Variants in GARRE1 observed in about 807,000 individuals in gnomAD.
GARRE1 encodes granule associated Rac and RHOG effector 1.
Under a neutral mutation model 103.2 loss-of-function variants are expected in GARRE1, and 49 were observed. The ratio of observed to expected loss-of-function variants is 0.47; its 90% CI spans 0.38 to 0.60. GARRE1 has a LOEUF of 0.60. GARRE1 is among the 20% of genes least tolerant of loss of function. The probability of loss-of-function intolerance (pLI) is 0.00; values close to 1 mark genes in which losing one functional copy is unlikely to be tolerated. For missense variants in GARRE1, 1,199 were observed against 1,370.5 expected (o/e 0.87, Z 1.98); for synonymous variants, 505 against 532.8 (o/e 0.95, Z 0.72).
chr19:34,339,697 G>A (rs1038170874), intron 8 of GARRE1, among the ~76,000 whole-genome samples, 170 bp from the exon 9 acceptor site: 2 of 152,138 alleles, frequency 1.3e-5, no homozygotes, highest in African/African-American at 4.8e-5. Context: ...CCTCTTGTGG[G>A]GCAGTGAGTT....
intron 1 of GARRE1, among the ~76,000 whole-genome samples, chr19:34,297,183 G>A (rs186016618): frequency 1.3e-5 from 2 of 152,220 alleles, no homozygotes; most frequent in African/African-American, 4.8e-5. Flanking sequence ...AGCTACTTGG[G>A]AGGCTGAGGC....
Position 34,353,132 on chromosome 19 carries a change from G to C in GARRE1, c.*177G>C. The C allele has an allele frequency of 1.7e-6, 1 of 602,144 alleles. No individual in the cohort carries two copies. The highest frequency in any genetic ancestry group is 2.8e-6 in the Non-Finnish European group (1 of 353,162). The allele number at this position is 602,144 out of a possible 1,614,324, so 37.3% of individuals were successfully genotyped here. ...TGGCAGCTCCAAGCCTTTAAACCTG[G>C]CTTCTGAAACGATGGCATCAGAGCC... is the stretch of plus-strand genomic sequence containing the variant. On this transcript the variant is annotated 3_prime_UTR_variant, in exon 14 of 14. Transcript: ENST00000299505.
At chr19:34,337,378 T>TA (rs2074165967) in intron 8 of GARRE1, among the ~76,000 whole-genome samples, 1 of 152,074 alleles carries the variant, frequency 6.6e-6, no homozygotes, top group South Asian at 2.1e-4. Context: ...CATTATATGA[T>TA]AGAGAATAAG....
At chr19:34,317,467 G>A (rs1014151890) in intron 2 of GARRE1, among the ~76,000 whole-genome samples, 10 of 152,224 alleles carry the variant, frequency 6.6e-5, no homozygotes, top group African/African-American at 2.4e-4. Flanking sequence ...AAGGTGCTGA[G>A]GAAGGAGTGG....
intron 2 of GARRE1, among the ~76,000 whole-genome samples, chr19:34,307,534 A>G (rs1427632545): frequency 2.0e-5 from 3 of 149,498 alleles, no homozygotes; most frequent in East Asian, 1.9e-4. Flanking sequence ...TATTATATAT[A>G]TATATGCCAG....
chr19:34,352,810 C>G lies in GARRE1; in HGVS notation c.3068C>G (p.Thr1023Ser). ...QMLQSPVWAA[T>S]NDCSAAAFSY... ...CTGCAGTCCCCAGTGTGGGCCGCAA[C>G]CAACGACTGCAGTGCCGCTGCCTTC... is the stretch of plus-strand genomic sequence containing the variant. The change falls in exon 14 of 14, where the codon ACC (threonine) becomes AGC (serine). Residue 1023 changes from threonine to serine, a missense_variant. By Grantham distance (58) the Thr-to-Ser change is moderately conservative (BLOSUM62 1). Coordinates refer to ENST00000299505, the MANE Select transcript of GARRE1 (RefSeq NM_014686.5). 6.2e-7 allele frequency: 1 copy of G among 1,613,880 alleles called. No individual in the cohort carries two copies. The highest frequency in any genetic ancestry group is 8.5e-7 in the Non-Finnish European group (1 of 1,179,958).
chr19:34,337,582 G>A (rs1376010426), intron 8 of GARRE1, among the ~76,000 whole-genome samples: 2 of 152,148 alleles, frequency 1.3e-5, no homozygotes, highest in Non-Finnish European at 2.9e-5. Context: ...TGATGAGGAT[G>A]GGAAGTTGTA....
chr19:34,257,062 G>C (rs139382145), intron 1 of GARRE1, among the ~76,000 whole-genome samples: 1 of 152,182 alleles, frequency 6.6e-6, no homozygotes, highest in East Asian at 1.9e-4. Context: ...GTTGGCATTG[G>C]AGACCAAGAT....
chr19:34,297,895 G>A (rs1205513310), intron 1 of GARRE1, among the ~76,000 whole-genome samples: 1 of 152,002 alleles, frequency 6.6e-6, no homozygotes, highest in Non-Finnish European at 1.5e-5. Context: ...TTGTTTTATT[G>A]ACTTTATATG....
chr19:34,257,932 C>G (rs2073685309), intron 1 of GARRE1, among the ~76,000 whole-genome samples: 1 of 148,682 alleles, frequency 6.7e-6, no homozygotes, highest in Admixed American at 6.7e-5. Flanking sequence ...CTCTGTTGCC[C>G]AGACTGGAGT....
At chr19:34,343,266 C>T (rs948374360) in intron 10 of GARRE1, among the ~76,000 whole-genome samples, 1 of 152,044 alleles carries the variant, frequency 6.6e-6, no homozygotes, top group African/African-American at 2.4e-5. Flanking sequence ...CCAGCCTGGT[C>T]AACATCACAA....
At chr19:34,255,689 T>A (rs889442342) in intron 1 of GARRE1, among the ~76,000 whole-genome samples, 1 of 132,986 alleles carries the variant, frequency 7.5e-6, no homozygotes, top group African/African-American at 2.8e-5. Flanking sequence ...TTTTTTTTTT[T>A]AATAAGAGAC....
At chr19:34,337,132 A>T (rs1330930317) in intron 8 of GARRE1, among the ~76,000 whole-genome samples, 1 of 149,298 alleles carries the variant, frequency 6.7e-6, no homozygotes, top group African/African-American at 2.5e-5. Context: ...GCTTTACTCC[A>T]CCTGGAGAAA....
At chr19:34,281,918 C>G (rs1030152757) in intron 1 of GARRE1, among the ~76,000 whole-genome samples, 2 of 152,012 alleles carry the variant, frequency 1.3e-5, no homozygotes, top group African/African-American at 4.8e-5. Context: ...GGCTTTCCTC[C>G]TTGTCTTTGT....
At chr19:34,284,020 C>T (rs1370023062) in intron 1 of GARRE1, among the ~76,000 whole-genome samples, 2 of 150,884 alleles carry the variant, frequency 1.3e-5, no homozygotes, top group African/African-American at 2.4e-5. Flanking sequence ...TTAGTAGAGA[C>T]GGGGTTTCAC....
rs897911613 is a variant in GARRE1, at chr19:34,340,425, T to C, written c.1487+433T>C. Among the ~76,000 whole-genome samples, 10 of 141,638 alleles carry C rather than the reference T, an allele frequency of 7.1e-5. No individual in the cohort carries two copies. In the East Asian group the frequency reaches 2.2e-3, roughly 31 times the overall value. 92.9% of individuals were successfully genotyped at this position (141,638 alleles called of 152,430 possible). A position where few individuals can be genotyped will look rare whatever the true frequency, so the allele number is the denominator to read the frequency against. On this transcript the variant is annotated intron_variant, in intron 9 of 13. Coordinates refer to ENST00000299505, the MANE Select transcript of GARRE1 (RefSeq NM_014686.5). ...GGTAGTGGCCTTAAACATCTAGCCA[T>C]GGCCCCTCTCCCTTTTTCTTTTCTT...
chr19:34,284,680 C>G (rs1031974933), intron 1 of GARRE1, among the ~76,000 whole-genome samples: 1 of 152,152 alleles, frequency 6.6e-6, no homozygotes, highest in African/African-American at 2.4e-5. Flanking sequence ...CTTCTGAGGT[C>G]TTTCACAATG....
Position 34,348,011 on chromosome 19 carries a change from A to T in GARRE1, c.2656A>T (p.Thr886Ser). 6.6e-7 allele frequency: 1 copy of T among 1,518,002 alleles called. No homozygotes were observed. 94.0% of individuals were successfully genotyped at this position (1,518,002 alleles called of 1,614,324 possible). A position where few individuals can be genotyped will look rare whatever the true frequency, so the allele number is the denominator to read the frequency against. The change falls in exon 11 of 14, where the codon ACC becomes TCC. Residue 886 changes from threonine to serine, a missense_variant. Transcript: ENST00000299505. ...NWPPMDDAHR[T>S]WPFPEFFTEG... ...GCCGCCTATGGATGACGCGCATCGG[A>T]CCTGGCCCTTCCCCGAGTTCTTCAC... is the stretch of plus-strand genomic sequence containing the variant.
intron 1 of GARRE1, among the ~76,000 whole-genome samples, chr19:34,277,488 A>T (rs1207972108): frequency 6.6e-6 from 1 of 152,170 alleles, no homozygotes; most frequent in African/African-American, 2.4e-5. Context: ...TCTGTCTCTC[A>T]TGTTTCCTGT....
Sources: allele counts gnomAD v4.1 joint callset (sites outside exome capture counted in the v4.1 genomes callset), GRCh38; gene constraint gnomAD v4.1.1; transcripts MANE v1.5; gene names NCBI Gene and HGNC (gene_info 2026-07-23, HGNC 2026-07-21).